The following AHNAK variants were observed in gnomAD, a reference collection of about 807,000 sequenced individuals.
The protein encoded by AHNAK is AHNAK nucleoprotein, also known as neuroblast differentiation-associated protein AHNAK.
A neutral mutation model predicts 37.8 loss-of-function variants in AHNAK; 23 were observed. The ratio of observed to expected loss-of-function variants is 0.61; its 90% confidence interval spans 0.44 to 0.86. The LOEUF is 0.86. Among genes scored for constraint, AHNAK ranks in the 40% least tolerant of loss-of-function variants. The pLI is 0.00. For synonymous variants in AHNAK, 2,481 were observed against 2,636.3 expected, an observed-to-expected ratio of 0.94 and a Z score of 1.80; for missense variants, 7,411 against 7,319.4, an observed-to-expected ratio of 1.01 and a Z score of -0.46.
intron 5 of AHNAK, among the ~76,000 whole-genome samples, chr11:62,471,022 A>G (rs566414617): frequency 1.4e-3 from 219 of 152,222 alleles, no homozygotes; most frequent in Non-Finnish European, 1.7e-3. Flanking sequence ...TTTTATTTAT[A>G]CCAATACGAA....
At chr11:62,471,627 T>C (rs1178310510) in intron 5 of AHNAK, among the ~76,000 whole-genome samples, 1 of 152,198 alleles carries the variant, frequency 6.6e-6, no homozygotes, top group East Asian at 1.9e-4. Context: ...TTCGGATTTT[T>C]GGATTAGGGA....
Position 62,535,193 on chromosome 11 carries a change from G to A in AHNAK, c.155-3C>T. Reference sequence around the variant, plus strand: ...GGTGGCACCCACAATCTGGTCCCCTGAGCAGGGAAGAGCAGGAAGCAGGTA... The same window carrying A: ...GGTGGCACCCACAATCTGGTCCCCTAAGCAGGGAAGAGCAGGAAGCAGGTA... On this transcript the variant is annotated splice_region_variant and splice_polypyrimidine_tract_variant and intron_variant, in intron 3 of 4. Transcript: ENST00000378024. The A allele has an allele frequency of 1.9e-6, 3 of 1,603,012 alleles. No individual in the cohort carries two copies. Among genetic ancestry groups the A allele is most frequent in the Non-Finnish European group, 2.6e-6 (3 of 1,170,772 alleles).
chr11:62,543,178 C>A lies in AHNAK; in HGVS notation c.-100+3482G>T, dbSNP rs1481157102. On this transcript the variant is annotated intron_variant, in intron 1 of 4. Transcript: ENST00000378024. ...TCAGCTGGGGCCTGCACCCCCAAGG[C>A]TGTCCTCAACCTCCCAAAGGCTTCT... Among the ~76,000 whole-genome samples, 4 of 152,212 alleles carry A rather than the reference C, an allele frequency of 2.6e-5. No homozygotes were observed. In the East Asian group the frequency reaches 7.7e-4, roughly 29 times the overall value.
intron 5 of AHNAK, among the ~76,000 whole-genome samples, chr11:62,460,118 CA>C (rs1938751696): frequency 7.9e-6 from 1 of 125,872 alleles, no homozygotes; most frequent in Non-Finnish European, 1.7e-5. Flanking sequence ...AACTCCGTCT[CA>C]AAGAAAAAAA....
chr11:62,438,653 A>G (rs1021655721), intron 5 of AHNAK, among the ~76,000 whole-genome samples: 5 of 151,922 alleles, frequency 3.3e-5, no homozygotes, highest in Non-Finnish European at 7.4e-5. Flanking sequence ...TGAAGAGAGG[A>G]TTTAATTTTG....
At chr11:62,464,004 G>A (rs1322043342) in intron 5 of AHNAK, among the ~76,000 whole-genome samples, 11 of 151,160 alleles carry the variant, frequency 7.3e-5, no homozygotes, top group Admixed American at 5.3e-4. Context: ...TCCTGATCTC[G>A]TGATCCGCCC....
rs1565243631 is a variant in AHNAK, at chr11:62,531,472, A to G, written c.2945T>C (p.Val982Ala). ...CTGCATTTCAACATCTGGGGCACTG[A>G]CATCTACTTTTGGGCCTTTCAGGTC... ...EGDLKGPKVD[V>A]SAPDVEMQGP... Residue 982 changes from valine to alanine, a missense_variant, in exon 5 of 5, where the codon GTC becomes GCC. Coordinates refer to ENST00000378024, the MANE Select transcript of AHNAK (RefSeq NM_001620.3). The G allele has an allele frequency of 1.2e-6, 2 of 1,614,212 alleles. No homozygotes were observed. The highest frequency in any genetic ancestry group is 1.7e-6 in the Non-Finnish European group (2 of 1,180,038).
intron 5 of AHNAK, among the ~76,000 whole-genome samples, chr11:62,456,236 GA>G (rs1938656423): frequency 1.3e-5 from 2 of 152,122 alleles, no homozygotes; most frequent in Middle Eastern, 3.2e-3. Flanking sequence ...ATATGTTGTT[GA>G]AGCCACTCAG....
rs1365583911 is a variant in AHNAK at position 62,532,296 on chromosome 11, T to C, written c.2121A>G (p.Lys707=). 1.2e-6 allele frequency: 2 copies of C among 1,614,028 alleles called. No homozygotes were observed. The highest frequency in any genetic ancestry group is 1.3e-5 in the African/African-American group (1 of 74,912). ...ISMPDVDLHV[K]GTKVKGEYDV... ...CATACTCTCCCTTCACCTTTGTACC[T>C]TTCACGTGCAAATCTACATCAGGCA... The change falls in exon 5 of 5, where the codon AAA becomes AAG. Residue 707 remains lysine (K), a synonymous_variant. Coordinates refer to ENST00000378024, the MANE Select transcript of AHNAK (RefSeq NM_001620.3).
chr11:62,531,273 C>G lies in AHNAK; in HGVS notation c.3144G>C (p.Gly1048=). The G allele has an allele frequency of 6.2e-7, 1 of 1,613,476 alleles. No individual in the cohort carries two copies. ...TCTTAAACTTCGGGCCTTTCAACTTCCCTTCAGGTCCTTCAAGGCTCAGAT... is the reference window on the plus strand; with the variant it reads ...TCTTAAACTTCGGGCCTTTCAACTTGCCTTCAGGTCCTTCAAGGCTCAGAT... The part of the protein sequence containing the change: ...APDLSLEGPE[G]KLKGPKFKMP... The change falls in exon 5 of 5, where the codon GGG becomes GGC. Residue 1048 remains glycine, a synonymous_variant. Coordinates refer to ENST00000378024, the MANE Select transcript of AHNAK (RefSeq NM_001620.3).
intron 5 of AHNAK, among the ~76,000 whole-genome samples, chr11:62,457,878 A>G (rs988722546): frequency 1.3e-5 from 2 of 150,140 alleles, no homozygotes; most frequent in Non-Finnish European, 3.0e-5. Flanking sequence ...AATCCTACGC[A>G]TGTACCTCTG....
At chr11:62,446,409 C>T (rs1938423711) in intron 5 of AHNAK, among the ~76,000 whole-genome samples, 1 of 152,174 alleles carries the variant, frequency 6.6e-6, no homozygotes, top group South Asian at 2.1e-4. Flanking sequence ...CCATAATAGC[C>T]ACACCCATGA....
At position 62,535,093 on chromosome 11, in the gene AHNAK, C is replaced by T. The variant is rs114927504; in HGVS notation, c.252G>A (p.Leu84=). The T allele has an allele frequency of 1.7e-4, 269 of 1,614,090 alleles. No homozygotes were observed. The African/African-American group carries it at 3.2e-3, about 19-fold the overall frequency. ...LNTMGHHTVG[L]KLHRKGDRSP... ...AGCGGTCCCCCTTGCGGTGCAGCTT[C>T]AGGCCCACCGTGTGGTGCCCCATGG... The change falls in exon 4 of 5, where the codon CTG becomes CTA. Residue 84 remains leucine, a synonymous_variant. Coordinates refer to ENST00000378024, the MANE Select transcript of AHNAK (RefSeq NM_001620.3).
chr11:62,450,108 TTTATTTTATTTTA>T (rs1221056500), intron 5 of AHNAK, among the ~76,000 whole-genome samples: 5 of 149,340 alleles, frequency 3.3e-5, no homozygotes, highest in Non-Finnish European at 5.9e-5. Context: ...TTTGTTTTAT[TTTATTTTATTTTA>T]TTATTTTATT....
intron 5 of AHNAK, among the ~76,000 whole-genome samples, chr11:62,474,373 C>T (rs974188609): frequency 6.6e-6 from 1 of 151,978 alleles, no homozygotes; most frequent in Non-Finnish European, 1.5e-5. Flanking sequence ...TTAGTAGAGA[C>T]GGGGTTTCAC....
intron 4 of AHNAK, among the ~76,000 whole-genome samples, chr11:62,502,117 T>G (rs1295592741): frequency 6.6e-6 from 1 of 152,098 alleles, no homozygotes; most frequent in African/African-American, 2.4e-5. Context: ...CAACACCCTT[T>G]TTGCCGTTCT....
Position 62,527,923 on chromosome 11 carries a change from G to A in AHNAK, c.6494C>T (p.Ala2165Val), listed in dbSNP as rs756775428. The A allele has an allele frequency of 6.2e-7, 1 of 1,609,160 alleles. No homozygotes were observed. The highest frequency in any genetic ancestry group is 8.5e-7 in the Non-Finnish European group (1 of 1,178,850). The change falls in exon 5 of 5, where the codon GCA (alanine) becomes GTA (valine). Residue 2165 changes from alanine (A) to valine (V), a missense_variant. Physicochemically the swap from Ala to Val is moderately conservative, Grantham distance 64 (BLOSUM62 0). Transcript: ENST00000378024. Reference sequence around the variant, plus strand: ...CTTAAACTTGGGCCCTTTCAACTTTGCATCAGGACACTCCAGCTCAACATC... The same window carrying A: ...CTTAAACTTGGGCCCTTTCAACTTTACATCAGGACACTCCAGCTCAACATC... ...VPDVELECPD[A>V]KLKGPKFKMP...
Position 62,526,640 on chromosome 11 carries a change from C to A in AHNAK, c.7777G>T (p.Val2593Leu), listed in dbSNP as rs749848737. The A allele has an allele frequency of 1.2e-6, 2 of 1,613,220 alleles. No homozygotes were observed. The highest frequency in any genetic ancestry group is 2.2e-5 in the South Asian group (2 of 91,038). The change falls in exon 5 of 5, where the codon GTG (valine) becomes TTG (leucine). Residue 2593 changes from valine to leucine, a missense_variant. Physicochemically the swap from Val to Leu is conservative, Grantham distance 32. Coordinates refer to ENST00000378024, the MANE Select transcript of AHNAK (RefSeq NM_001620.3). ...AGAGAAACATCCACATCGCCCTTCA[C>A]CTTGGGACCTTTCAGATGCAAATCA... ...DFDLHLKGPK[V>L]KGDVDVSLPK...
chr11:62,534,196 G>T, intron 4 of AHNAK, 122 bp from the exon 5 acceptor site: 1 of 996,418 alleles, frequency 1.0e-6, no homozygotes, highest in Non-Finnish European at 1.4e-6. Context: ...CAAAACAGAG[G>T]TCCATGGAGC....
Sources: allele counts gnomAD v4.1 joint callset (sites outside exome capture counted in the v4.1 genomes callset), GRCh38; gene constraint gnomAD v4.1.1; transcripts MANE v1.5; gene names NCBI Gene and HGNC (gene_info 2026-07-23, HGNC 2026-07-21).